The following ST3GAL3 variants were observed in gnomAD, a reference collection of about 807,000 sequenced individuals.
The protein encoded by ST3GAL3 is CMP-N-acetylneuraminate-beta-1,4-galactoside alpha-2,3-sialyltransferase.
In ST3GAL3, 21 loss-of-function variants were observed where a neutral mutation model predicts 50.1. The observed-to-expected ratio is 0.42, with a 90% confidence interval of 0.30 to 0.60. The LOEUF (loss-of-function observed/expected upper bound fraction) is 0.60. Among genes scored for constraint, ST3GAL3 ranks in the 20% least tolerant of loss-of-function variants. The pLI, the probability that ST3GAL3 is intolerant of heterozygous loss-of-function variation, is 0.19. For missense variants in ST3GAL3, 353 were observed against 489.4 expected (o/e 0.72, Z 2.63); for synonymous variants, 183 against 190.0 (o/e 0.96, Z 0.30).
intron 9 of ST3GAL3, among the ~76,000 whole-genome samples, chr1:43,918,076 G>A (rs1392867435): frequency 6.7e-6 from 1 of 148,970 alleles, no homozygotes; most frequent in African/African-American, 2.5e-5. Flanking sequence ...TTAATGTATA[G>A]ATAATTAAGT....
chr1:43,910,582 C>A (rs914693781), intron 9 of ST3GAL3, among the ~76,000 whole-genome samples: 1 of 152,198 alleles, frequency 6.6e-6, no homozygotes, highest in African/African-American at 2.4e-5. Flanking sequence ...GCCCACTGGG[C>A]AGAAACCCAG....
chr1:43,790,254 A>G (rs981379266), intron 2 of ST3GAL3, among the ~76,000 whole-genome samples: 1 of 152,242 alleles, frequency 6.6e-6, no homozygotes, highest in Non-Finnish European at 1.5e-5. Context: ...TGCCTTTATG[A>G]AACTTACAAC....
chr1:43,791,296 T>G (rs1169758316), intron 2 of ST3GAL3, among the ~76,000 whole-genome samples: 1 of 152,246 alleles, frequency 6.6e-6, no homozygotes, highest in Non-Finnish European at 1.5e-5. Flanking sequence ...TTTTTTCTCC[T>G]AGACTGATAG....
chr1:43,773,948 T>TA (rs1034742539), intron 2 of ST3GAL3, among the ~76,000 whole-genome samples: 2 of 152,084 alleles, frequency 1.3e-5, no homozygotes, highest in African/African-American at 4.8e-5. Flanking sequence ...TTTGATCATT[T>TA]AAAAAAATCA....
chr1:43,893,040 C>T (rs1158284173), intron 5 of ST3GAL3, among the ~76,000 whole-genome samples: 1 of 152,202 alleles, frequency 6.6e-6, no homozygotes. Context: ...CAAGTGTTGA[C>T]ATCTTCCTAG....
intron 1 of ST3GAL3, among the ~76,000 whole-genome samples, chr1:43,728,855 A>G (rs1397798519): frequency 6.6e-6 from 1 of 152,164 alleles, no homozygotes; most frequent in Non-Finnish European, 1.5e-5. Flanking sequence ...GTATACACAC[A>G]TATGTACATA....
chr1:43,768,229 G>GT (rs1375148063), intron 2 of ST3GAL3, among the ~76,000 whole-genome samples: 2 of 152,146 alleles, frequency 1.3e-5, no homozygotes, highest in African/African-American at 4.8e-5. Flanking sequence ...GAGGCCAGGA[G>GT]TTTGAGACCA....
intron 2 of ST3GAL3, among the ~76,000 whole-genome samples, chr1:43,744,927 G>T (rs529601678): frequency 1.3e-5 from 2 of 151,234 alleles, no homozygotes; most frequent in East Asian, 3.9e-4. Flanking sequence ...GGAGACAGAG[G>T]TTGCAGTGAG....
At chr1:43,778,990 T>C (rs1698420034) in intron 2 of ST3GAL3, among the ~76,000 whole-genome samples, 2 of 148,558 alleles carry the variant, frequency 1.3e-5, no homozygotes, top group Admixed American at 6.8e-5. Flanking sequence ...TCATCCAGGC[T>C]GGAGTGCAAT....
intron 5 of ST3GAL3, among the ~76,000 whole-genome samples, chr1:43,864,737 G>A (rs1312834326): frequency 6.6e-6 from 1 of 152,128 alleles, no homozygotes; most frequent in Non-Finnish European, 1.5e-5. Context: ...ACAAGTTCAT[G>A]TCATATTAGG....
chr1:43,810,632 G>A (rs1220527856), intron 3 of ST3GAL3, among the ~76,000 whole-genome samples: 1 of 152,110 alleles, frequency 6.6e-6, no homozygotes, highest in African/African-American at 2.4e-5. Flanking sequence ...TATCACATGG[G>A]AGTCATCATT....
intron 4 of ST3GAL3, among the ~76,000 whole-genome samples, chr1:43,828,814 GGTTTGGCCACTTTGGAGCACA>G (rs1426235937): frequency 3.3e-5 from 5 of 152,130 alleles, no homozygotes; most frequent in African/African-American, 7.2e-5. Flanking sequence ...TGGTGGGAAT[GGTTTGGCCACTTTGGAGCACA>G]GTTTGGCCAC....
In ST3GAL3 at chr1:43,737,132, G is replaced by A. The variant is rs1449912642; in HGVS notation, c.118+752G>A. 1 of 152,724 alleles carries A rather than the reference G, an allele frequency of 6.5e-6. No homozygotes were observed. The highest frequency in any genetic ancestry group is 1.5e-5 in the Non-Finnish European group (1 of 68,510). The allele number at this position is 152,724 out of a possible 1,614,324, so 9.5% of individuals were successfully genotyped here. Reference sequence around the variant, plus strand: ...TGAAATATCACACAGTGACCATAGTGGTTTTCTTTTTGGTTATTTTGTCTG... The same window carrying A: ...TGAAATATCACACAGTGACCATAGTAGTTTTCTTTTTGGTTATTTTGTCTG... On this transcript the variant is annotated intron_variant, in intron 2 of 11. Coordinates refer to ENST00000347631, the MANE Select transcript of ST3GAL3 (RefSeq NM_006279.5). The surrounding 1 kb of genome is among the most constrained non-coding windows in gnomAD (Gnocchi z 4.0).
intron 11 of ST3GAL3, among the ~76,000 whole-genome samples, chr1:43,927,995 CA>C (rs1272432770): frequency 6.6e-6 from 1 of 152,064 alleles, no homozygotes; most frequent in African/African-American, 2.4e-5. Flanking sequence ...AGGGAATGCT[CA>C]GAGAAGAGGA....
Position 43,808,081 on chromosome 1 carries a change from A to C in ST3GAL3, c.167-6810A>C, listed in dbSNP as rs961740098. ...CATTTTGGGAGGCCAAGGCAGGTGGATCATGAGGTCAGGAGTTCGAGACTG... is the reference window on the plus strand; with the variant it reads ...CATTTTGGGAGGCCAAGGCAGGTGGCTCATGAGGTCAGGAGTTCGAGACTG... On this transcript the variant is annotated intron_variant, in intron 3 of 11. Coordinates refer to ENST00000347631, the MANE Select transcript of ST3GAL3 (RefSeq NM_006279.5). Among the ~76,000 whole-genome samples the C allele has an allele frequency of 4.6e-5, 7 of 152,278 alleles. No homozygotes were observed. The South Asian group carries it at 8.3e-4, about 18-fold the overall frequency.
rs145128132 is a variant in ST3GAL3 at position 43,892,404 on chromosome 1, C to T, written c.303-1979C>T. ...TCCCAGATAGCTGGGACTACAGTCT[C>T]TGTATAGCAGGAGAAAGGCAGTCTA... On this transcript the variant is annotated intron_variant, in intron 5 of 11. Transcript: ENST00000347631. 3.1e-3 allele frequency among the ~76,000 whole-genome samples: 477 copies of T among 152,264 alleles called. 1 individual carries two copies. Among genetic ancestry groups the T allele is most frequent in the African/African-American group, 0.011 (458 of 41,532 alleles).
rs1573982392 is a variant in ST3GAL3, at chr1:43,838,258, G to A, written c.249G>A (p.Glu83=). 1 of 1,614,020 alleles carries A rather than the reference G, an allele frequency of 6.2e-7. No individual in the cohort carries two copies. Among genetic ancestry groups the A allele is most frequent in the Non-Finnish European group, 8.5e-7 (1 of 1,179,948 alleles). ...ELATKYANFS[E]GACKPGYASA... ...CCACCAAGTACGCAAACTTTTCAGA[G>A]GGAGCTTGCAAGCCTGGCTATGCTT... The change falls in exon 5 of 12, where the codon GAG becomes GAA. Residue 83 remains glutamate (E), a synonymous_variant. Coordinates refer to ENST00000347631, the MANE Select transcript of ST3GAL3 (RefSeq NM_006279.5).
chr1:43,930,280 A>G lies in ST3GAL3; in HGVS notation c.*59A>G. 6.6e-7 allele frequency: 1 copy of G among 1,521,320 alleles called. No homozygotes were observed. Among genetic ancestry groups the G allele is most frequent in the Non-Finnish European group, 9.1e-7 (1 of 1,099,908 alleles). The allele number at this position is 1,521,320 out of a possible 1,614,324, so 94.2% of individuals were successfully genotyped here. ...ACCACCAGGAGCAGCAGCCAGCACC[A>G]CCTACACAGGAGTCTTCAGACCCAG... On this transcript the variant is annotated 3_prime_UTR_variant, in exon 12 of 12. Transcript: ENST00000347631.
chr1:43,745,509 A>G (rs971984740), intron 2 of ST3GAL3, among the ~76,000 whole-genome samples: 2 of 152,218 alleles, frequency 1.3e-5, no homozygotes, highest in East Asian at 3.8e-4. Flanking sequence ...ACACAACAAA[A>G]AGAGACAAAC....
Sources: gnomAD v4.1 joint callset for allele counts (sites outside exome capture counted in the v4.1 genomes callset) on GRCh38, gnomAD v4.1.1 for gene constraint, Gnocchi (gnomAD v3.1) non-coding constraint, MANE v1.5 for transcripts, NCBI Gene and HGNC (gene_info 2026-07-23, HGNC 2026-07-21) for gene names.